Variants in ROBO2 observed in about 807,000 individuals in gnomAD.
The protein encoded by ROBO2 is roundabout homolog 2.
ROBO2 carries 53 observed loss-of-function variants against 160.8 expected under a neutral mutation model. The ratio of observed to expected loss-of-function variants is 0.33; its 90% confidence interval spans 0.26 to 0.41. The LOEUF (loss-of-function observed/expected upper bound fraction) is 0.41. Among genes scored for constraint, ROBO2 ranks in the 10% least tolerant of loss-of-function variants. The pLI is 1.00. For missense variants in ROBO2, 1,577 were observed against 1,722.4 expected (o/e 0.92, Z 1.49); for synonymous variants, 664 against 611.7 (o/e 1.09, Z -1.26).
chr3:76,453,323 G>C (rs2077573135), intron 2 of ROBO2, among the ~76,000 whole-genome samples: 1 of 152,302 alleles, frequency 6.6e-6, no homozygotes, highest in East Asian at 1.9e-4. Flanking sequence ...TAACGTTTAA[G>C]TCTTTAATCC....
chr3:77,252,831 A>AAAAAAATATATATATATAT, intron 2 of ROBO2, among the ~76,000 whole-genome samples: 1 of 12,520 alleles, frequency 8.0e-5, no homozygotes, highest in African/African-American at 1.6e-4. Context: ...AAAAAAAAAA[A>AAAAAAATATATATATATAT]ATATATATAT....
At chr3:76,448,984 C>CA (rs35062388) in intron 2 of ROBO2, among the ~76,000 whole-genome samples, 80,449 of 151,790 alleles carry the variant, frequency 0.53, 21,843 homozygotes, top group African/African-American at 0.63. Context: ...TACATTCTTA[C>CA]AAAGCAATTT....
intron 2 of ROBO2, among the ~76,000 whole-genome samples, chr3:76,768,643 TGTA>T (rs1348896958): frequency 2.0e-5 from 3 of 150,514 alleles, no homozygotes; most frequent in Non-Finnish European, 4.4e-5. Flanking sequence ...ATAATCAAAA[TGTA>T]ATATAATATA....
chr3:77,218,187 G>A (rs2085234328), intron 2 of ROBO2, among the ~76,000 whole-genome samples: 1 of 152,026 alleles, frequency 6.6e-6, no homozygotes, highest in Admixed American at 6.6e-5. Flanking sequence ...TGCTTTCACT[G>A]GACTGGGTAT....
In ROBO2 at chr3:77,378,361, G is replaced by A. The variant is rs1353243810; in HGVS notation, c.389-99053G>A. ...GTGATGATGTTATCCCCATTTTATA[G>A]AATGGGGGAACTGAGAAGCAGAGAA... On this transcript the variant is annotated intron_variant, in intron 2 of 25. Coordinates refer to ENST00000461745, the Ensembl canonical transcript of ROBO2. Among the ~76,000 whole-genome samples the A allele has an allele frequency of 2.6e-5, 4 of 152,138 alleles. No individual in the cohort carries two copies. In the East Asian group the frequency reaches 5.8e-4, roughly 22 times the overall value.
At chr3:77,494,493 G>A (rs1342143021) in intron 5 of ROBO2, among the ~76,000 whole-genome samples, 1 of 152,070 alleles carries the variant, frequency 6.6e-6, no homozygotes, top group African/African-American at 2.4e-5. Flanking sequence ...CTGGAGAATT[G>A]CTTGAACCCG....
At chr3:76,720,272 C>A (rs1004571932) in intron 2 of ROBO2, among the ~76,000 whole-genome samples, 2 of 152,138 alleles carry the variant, frequency 1.3e-5, no homozygotes, top group Admixed American at 6.6e-5. Context: ...ATTTCCCAGC[C>A]TCCTGAAATG....
chr3:76,925,222 A>AG (rs769983418), intron 2 of ROBO2, among the ~76,000 whole-genome samples: 3 of 145,684 alleles, frequency 2.1e-5, no homozygotes, highest in East Asian at 4.0e-4. Flanking sequence ...AAAAAAAAAA[A>AG]AAAAAAAAAT....
chr3:76,809,059 A>G (rs2064963120), intron 2 of ROBO2, among the ~76,000 whole-genome samples: 2 of 152,208 alleles, frequency 1.3e-5, no homozygotes, highest in South Asian at 2.1e-4. Context: ...TTAACAAATA[A>G]TAGAATATTT....
chr3:76,078,131 G>C (rs2068702427), intron 2 of ROBO2, among the ~76,000 whole-genome samples: 2 of 152,180 alleles, frequency 1.3e-5, no homozygotes, highest in Admixed American at 1.3e-4. Flanking sequence ...TCATATGATA[G>C]AGTTTGGTAG....
At chr3:76,699,813 CCT>C (rs938048396) in intron 2 of ROBO2, among the ~76,000 whole-genome samples, 26 of 152,214 alleles carry the variant, frequency 1.7e-4, no homozygotes, top group African/African-American at 4.8e-4. Flanking sequence ...CCTTCCTCCC[CCT>C]GTTTCCTCTT....
chr3:75,969,245 C>T (rs141517934), intron 2 of ROBO2, among the ~76,000 whole-genome samples: 1 of 150,904 alleles, frequency 6.6e-6, no homozygotes, highest in African/African-American at 2.4e-5. Flanking sequence ...CATAGCTTGG[C>T]TATTGAGAAC....
intron 20 of ROBO2, among the ~76,000 whole-genome samples, chr3:77,605,159 G>T (rs1448803301): frequency 7.2e-6 from 1 of 138,274 alleles, no homozygotes; most frequent in Non-Finnish European, 1.5e-5. Context: ...CTGAGACCCT[G>T]TCTCAAGGAA....
intron 1 of ROBO2, among the ~76,000 whole-genome samples, chr3:77,050,657 A>ATT (rs59318050): frequency 0.019 from 2,612 of 140,898 alleles, 34 homozygotes; most frequent in Non-Finnish European, 0.025. Context: ...GTCTCAAAAC[A>ATT]TTTTTTTTTT....
chr3:76,965,980 T>C (rs1473715171), intron 2 of ROBO2, among the ~76,000 whole-genome samples: 1 of 144,830 alleles, frequency 6.9e-6, no homozygotes, highest in Non-Finnish European at 1.5e-5. Context: ...TGGAGTGCAA[T>C]GGCGCGATCT....
intron 2 of ROBO2, among the ~76,000 whole-genome samples, chr3:76,757,110 A>G (rs1296967309): frequency 6.6e-6 from 1 of 151,806 alleles, no homozygotes; most frequent in Non-Finnish European, 1.5e-5. Flanking sequence ...GATTTTATGC[A>G]TACACCAGCT....
At chr3:76,136,844 C>T (rs927000072) in intron 2 of ROBO2, among the ~76,000 whole-genome samples, 5 of 152,046 alleles carry the variant, frequency 3.3e-5, no homozygotes, top group Non-Finnish European at 5.9e-5. Context: ...CATATTCTAG[C>T]TTTCCAGTCA....
At chr3:76,907,125 G>A (rs2148906198) in intron 2 of ROBO2, among the ~76,000 whole-genome samples, 1 of 152,234 alleles carries the variant, frequency 6.6e-6, no homozygotes, top group African/African-American at 2.4e-5. Flanking sequence ...ATGAATGAAT[G>A]AATGAATGGA....
intron 2 of ROBO2, among the ~76,000 whole-genome samples, chr3:77,288,369 A>G (rs561952347): frequency 6.6e-6 from 1 of 152,342 alleles, no homozygotes; most frequent in African/African-American, 2.4e-5. Context: ...CAGCACACTT[A>G]AAAGCATACA....
Sources: allele counts gnomAD v4.1 joint callset (sites outside exome capture counted in the v4.1 genomes callset), GRCh38; gene constraint gnomAD v4.1.1; transcripts MANE v1.5; gene names NCBI Gene and HGNC (gene_info 2026-07-23, HGNC 2026-07-21).